The following ABL1 variants were observed in gnomAD, a reference collection of about 807,000 sequenced individuals.
The protein encoded by ABL1 is tyrosine-protein kinase ABL1.
Under a neutral mutation model 94.7 loss-of-function variants are expected in ABL1, and 11 were observed. The ratio of observed to expected loss-of-function variants is 0.12; its 90% CI spans 0.07 to 0.19. The LOEUF is 0.19. ABL1 is among the 10% of genes least tolerant of loss of function. ABL1 has a pLI of 1.00. For synonymous variants in ABL1, 656 were observed against 622.4 expected (o/e 1.05, Z -0.80); for missense variants, 1,082 against 1,489.4 (o/e 0.73, Z 4.50).
At chr9:130,772,336 ACT>A (rs1270425630) in intron 1 of ABL1, among the ~76,000 whole-genome samples, 2 of 152,184 alleles carry the variant, frequency 1.3e-5, no homozygotes, top group African/African-American at 4.8e-5. Context: ...CCAAGTATTT[ACT>A]GTTTGTCCAC....
intron 10 of ABL1, among the ~76,000 whole-genome samples, chr9:130,883,483 G>A (rs372777856): frequency 2.7e-5 from 4 of 147,744 alleles, no homozygotes; most frequent in African/African-American, 7.6e-5. Flanking sequence ...GGCAACAAGC[G>A]AGACTCCAAC....
At chr9:130,786,146 G>A (rs948206432) in intron 1 of ABL1, among the ~76,000 whole-genome samples, 3 of 152,230 alleles carry the variant, frequency 2.0e-5, no homozygotes, top group Non-Finnish European at 4.4e-5. Flanking sequence ...CCAGGCCAGA[G>A]CCTTTGTTGG....
At chr9:130,831,926 A>G (rs1275712435), upstream of ABL1, among the ~76,000 whole-genome samples, 2 of 152,074 alleles carry the variant, frequency 1.3e-5, no homozygotes, top group Non-Finnish European at 2.9e-5. Flanking sequence ...GTGGATTTCC[A>G]TCTTACATAT....
Position 130,835,663 on chromosome 9 carries a change from TC to T in ABL1, c.79+139del, listed in dbSNP as rs1244380876. 874 of 13,920 alleles carry T rather than the reference TC, an allele frequency of 0.063. 9 individuals are homozygous for T. The highest frequency in any genetic ancestry group is 0.2 in the African/African-American group (796 of 4,016). 0.9% of individuals were successfully genotyped at this position (13,920 alleles called of 1,614,324 possible). A position where few individuals can be genotyped will look rare whatever the true frequency, so the allele number is the denominator to read the frequency against. On this transcript the variant is annotated intron_variant, in intron 1 of 10. Coordinates refer to ENST00000318560, the MANE Select transcript of ABL1 (RefSeq NM_005157.6). This position sits in a 1 kb window ranked among gnomAD's most constrained non-coding sequence, Gnocchi z 4.6. Reference sequence around the variant, plus strand: ...TGTCTTTTTTTTCTTTCTTCCCTCTTCTCTTCTCTTCTCTTCAGTTCTCTTA... The same window carrying T: ...TGTCTTTTTTTTCTTTCTTCCCTCTTTCTTCTCTTCTCTTCAGTTCTCTTA...
chr9:130,808,251 T>TC (rs1380738432), intron 1 of ABL1, among the ~76,000 whole-genome samples: 5 of 149,954 alleles, frequency 3.3e-5, no homozygotes, highest in Non-Finnish European at 3.0e-5. Context: ...CTTCTTCTTT[T>TC]TTTTTTTTTT....
intron 1 of ABL1, among the ~76,000 whole-genome samples, chr9:130,800,093 C>T (rs996112997): frequency 6.6e-6 from 1 of 151,296 alleles, no homozygotes; most frequent in Non-Finnish European, 1.5e-5. Context: ...AGGCTGGTCT[C>T]GAACTCCTGA....
At chr9:130,883,896 C>T (rs912139893) in intron 10 of ABL1, 73 bp from the exon 11 acceptor site, 7 of 1,516,500 alleles carry the variant, frequency 4.6e-6, no homozygotes, top group Non-Finnish European at 5.3e-6. Flanking sequence ...CTCTGCCTCC[C>T]GGGTTCAAGC....
At position 130,714,593 on chromosome 9, in the gene ABL1, GTGGAACTTTCTT is replaced by G; in HGVS notation, c.136+141_136+152del. 4.3e-6 allele frequency: 5 copies of G among 1,159,646 alleles called. No individual in the cohort carries two copies. In the East Asian group the frequency reaches 1.2e-4, roughly 27 times the overall value. 71.8% of individuals were successfully genotyped at this position (1,159,646 alleles called of 1,614,324 possible). On this transcript the variant is annotated intron_variant, in intron 1 of 10. Transcript: ENST00000372348. Reference sequence around the variant, plus strand: ...AATTTGTTACTGTAGTTATCTCTTAGTGGAACTTTCTTTGTATAAGAAAAAGTTACTTCGTGA... The same window carrying G: ...AATTTGTTACTGTAGTTATCTCTTAGTGTATAAGAAAAAGTTACTTCGTGA...
chr9:130,800,496 C>G (rs1830040481), intron 1 of ABL1, among the ~76,000 whole-genome samples: 1 of 151,962 alleles, frequency 6.6e-6, no homozygotes, highest in Admixed American at 6.6e-5. Context: ...AAAAACAGTT[C>G]TCTCAACATT....
chr9:130,733,346 C>T (rs1489711118), intron 1 of ABL1, among the ~76,000 whole-genome samples: 1 of 152,140 alleles, frequency 6.6e-6, no homozygotes, highest in Non-Finnish European at 1.5e-5. Context: ...TCTATTTCTT[C>T]AGTATCATAT....
chr9:130,834,906 C>A (rs1006194023), upstream of ABL1: 43 of 455,788 alleles, frequency 9.4e-5, no homozygotes, highest in Non-Finnish European at 1.9e-4. Context: ...CCTGGCACCG[C>A]GTACTGGGAA....
chr9:130,794,138 T>C (rs996414764), intron 1 of ABL1, among the ~76,000 whole-genome samples: 4 of 152,060 alleles, frequency 2.6e-5, no homozygotes, highest in Non-Finnish European at 5.9e-5. Context: ...CACCCCTCAG[T>C]GGCCCCATCC....
chr9:130,718,993 A>C (rs1831481754), intron 1 of ABL1, among the ~76,000 whole-genome samples: 1 of 152,168 alleles, frequency 6.6e-6, no homozygotes, highest in African/African-American at 2.4e-5. Context: ...TGAGTAGAAA[A>C]AAAGCAATTT....
chr9:130,713,434 A>T (rs1831396482), exon 1 of ABL1, among the ~76,000 whole-genome samples: 1 of 152,022 alleles, frequency 6.6e-6, no homozygotes, highest in Non-Finnish European at 1.5e-5. Context: ...GGCGTGGAAG[A>T]GCGTCGCCCC....
intron 1 of ABL1, among the ~76,000 whole-genome samples, chr9:130,719,003 T>G (rs1364315726): frequency 1.3e-5 from 2 of 152,134 alleles, no homozygotes; most frequent in East Asian, 3.8e-4. Flanking sequence ...AAAAGCAATT[T>G]GAAAATCATT....
chr9:130,734,361 C>T (rs1405808264), intron 1 of ABL1, among the ~76,000 whole-genome samples: 1 of 149,250 alleles, frequency 6.7e-6, no homozygotes, highest in African/African-American at 2.5e-5. Context: ...CTACAGGCAC[C>T]CGCCACCATG....
rs114942096 is a variant in ABL1 at position 130,852,470 on chromosome 9, A to G, written c.80-1594A>G. ...GCAATCTGCCTGCCTCAGCCTCCCA[A>G]TGTTCTAGGGTTACAGGCATGAGCT... On this transcript the variant is annotated intron_variant, in intron 1 of 10. Transcript: ENST00000318560. 8.4e-3 allele frequency among the ~76,000 whole-genome samples: 1,274 copies of G among 152,260 alleles called. 17 individuals carry two copies. The highest frequency in any genetic ancestry group is 0.028 in the African/African-American group (1,161 of 41,548).
chr9:130,759,006 T>C (rs559923218), intron 1 of ABL1, among the ~76,000 whole-genome samples: 3 of 152,320 alleles, frequency 2.0e-5, no homozygotes, highest in Non-Finnish European at 2.9e-5. Flanking sequence ...GGAACCTCTT[T>C]CGGTCCGAAC....
chr9:130,727,234 GTTT>G, intron 1 of ABL1, among the ~76,000 whole-genome samples: 1 of 141,826 alleles, frequency 7.1e-6, no homozygotes, highest in East Asian at 2.1e-4. Flanking sequence ...CTTTGCTGAG[GTTT>G]TTTTTTTTTT....
Sources: gnomAD v4.1 joint callset for allele counts (sites outside exome capture counted in the v4.1 genomes callset) on GRCh38, gnomAD v4.1.1 for gene constraint, Gnocchi (gnomAD v3.1) non-coding constraint, MANE v1.5 for transcripts, NCBI Gene and HGNC (gene_info 2026-07-23, HGNC 2026-07-21) for gene names.